The following DIAPH2 variants were observed in gnomAD, a reference collection of about 807,000 sequenced individuals.
The protein encoded by DIAPH2 is diaphanous related formin 2, also known as protein diaphanous homolog 2.
In DIAPH2, 35 loss-of-function variants were observed where a neutral mutation model predicts 92.7. The ratio of observed to expected loss-of-function variants is 0.38; its 90% CI spans 0.29 to 0.50. The LOEUF is 0.50. Among genes scored for constraint, DIAPH2 ranks in the 20% least tolerant of loss-of-function variants. DIAPH2 has a pLI of 0.94. For missense variants in DIAPH2, 701 were observed against 819.5 expected (o/e 0.86, Z 1.77); for synonymous variants, 301 against 280.4 (o/e 1.07, Z -0.73).
rs955418377 is a variant in DIAPH2 at position 97,390,757 on chromosome X, G to A, written c.3145+6713G>A. ...CCTGATTAATTTTTAAATTTTTATAGGGATGGTTTCATAGTCTGTATGTAT... is the reference window on the plus strand; with the variant it reads ...CCTGATTAATTTTTAAATTTTTATAAGGATGGTTTCATAGTCTGTATGTAT... On this transcript the variant is annotated intron_variant, in intron 25 of 26. Transcript: ENST00000324765. 2.7e-5 allele frequency among the ~76,000 whole-genome samples: 3 copies of A among 111,445 alleles called. No individual in the cohort carries two copies. The Admixed American group carries it at 2.9e-4, about 11-fold the overall frequency.
chrX:96,712,767 A>C (rs1408266295), intron 1 of DIAPH2, among the ~76,000 whole-genome samples: 2 of 111,482 alleles, frequency 1.8e-5, no homozygotes, highest in Non-Finnish European at 3.8e-5. Context: ...TGTTTGTTGC[A>C]AATTTTATGC....
intron 24 of DIAPH2, among the ~76,000 whole-genome samples, chrX:97,358,931 T>G (rs2147702942): frequency 8.9e-6 from 1 of 112,122 alleles, no homozygotes; most frequent in Non-Finnish European, 1.9e-5. Flanking sequence ...GTTTTAAATT[T>G]ATATTTTCTT....
intron 17 of DIAPH2, among the ~76,000 whole-genome samples, chrX:96,999,656 T>A: frequency 9.0e-6 from 1 of 111,150 alleles, no homozygotes; most frequent in Non-Finnish European, 1.9e-5. Context: ...GAAGTAAATG[T>A]ACAAAATGTT....
At chrX:97,171,432 G>C (rs1463574625) in intron 22 of DIAPH2, among the ~76,000 whole-genome samples, 1 of 111,591 alleles carries the variant, frequency 9.0e-6, no homozygotes, top group Non-Finnish European at 1.9e-5. Flanking sequence ...TCTGATAATG[G>C]TCGGTCTGCA....
At chrX:97,351,620 G>A (rs113128450) in intron 24 of DIAPH2, among the ~76,000 whole-genome samples, 1,707 of 110,478 alleles carry the variant, frequency 0.015, 26 homozygotes, top group African/African-American at 0.053. Flanking sequence ...TCGAGACCAC[G>A]GTGAAACCCC....
chrX:96,750,136 C>T (rs2064178596), intron 3 of DIAPH2, among the ~76,000 whole-genome samples: 1 of 100,974 alleles, frequency 9.9e-6, no homozygotes, highest in African/African-American at 3.7e-5. Flanking sequence ...CTGCTCACTG[C>T]ACCCTTTGCC....
chrX:97,263,900 T>TTTTATTTATTTATTTATTTA lies in DIAPH2; in HGVS notation c.2844+16081_2844+16100dup, dbSNP rs10644882. Among the ~76,000 whole-genome samples the TTTTATTTATTTATTTATTTA allele has an allele frequency of 3.1e-3, 294 of 94,000 alleles. 1 individual carries two copies. Among genetic ancestry groups the TTTTATTTATTTATTTATTTA allele is most frequent in the Non-Finnish European group, 5.4e-3 (255 of 47,266 alleles). The allele number at this position is 94,000 out of a possible 115,157, so 81.6% of individuals were successfully genotyped here. ...CTGCGCCCAGCTCCAACTGTTAGTT[T>TTTTATTTATTTATTTATTTA]TTTATTTATTTATTTATTTATTTAT... On this transcript the variant is annotated intron_variant, in intron 23 of 26. Transcript: ENST00000324765.
intron 23 of DIAPH2, among the ~76,000 whole-genome samples, chrX:97,316,278 G>A (rs2068838669): frequency 9.0e-6 from 1 of 110,843 alleles, no homozygotes; most frequent in African/African-American, 3.3e-5. Context: ...TTCCTGTTCT[G>A]TTTTTCTCCT....
At position 96,930,814 on chromosome X, in the gene DIAPH2, C is replaced by T. The variant is rs1365193840; in HGVS notation, c.1060C>T (p.Leu354Phe). The T allele has an allele frequency of 1.7e-6, 2 of 1,196,787 alleles. No homozygotes were observed. The highest frequency in any genetic ancestry group is 3.0e-5 in the East Asian group (1 of 32,943). ...TCGAATACATTTAAGGAATGAATTC[C>T]TCCGTTCAGGACTAAAAACAATGTT... ...DFRIHLRNEF[L>F]RSGLKTMLPD... is the part of the protein sequence containing the mutation. Residue 354 changes from leucine to phenylalanine, a missense_variant, in exon 10 of 27, where the codon CTC becomes TTC. Physicochemically the swap from Leu to Phe is conservative, Grantham distance 22. This residue lies in a region of DIAPH2 where 536 missense variants were observed against 599.3 expected (regional missense o/e 0.89). Coordinates refer to ENST00000324765, the MANE Select transcript of DIAPH2 (RefSeq NM_006729.5).
intron 24 of DIAPH2, 88 bp downstream of exon 24, chrX:97,348,368 C>A: frequency 1.2e-6 from 1 of 817,397 alleles, no homozygotes; most frequent in Non-Finnish European, 1.7e-6. Context: ...TTCCTATTGA[C>A]TATATTGATT....
intron 23 of DIAPH2, 137 bp from the exon 24 acceptor site, chrX:97,347,978 GC>G: frequency 3.5e-6 from 2 of 572,435 alleles, no homozygotes; most frequent in Non-Finnish European, 5.4e-6. Flanking sequence ...TACCATGGCA[GC>G]CCTAACAAAC....
intron 1 of DIAPH2, among the ~76,000 whole-genome samples, chrX:96,732,122 A>G (rs971150731): frequency 1.8e-4 from 20 of 111,422 alleles, no homozygotes; most frequent in African/African-American, 6.2e-4. Flanking sequence ...ACCCATCCAC[A>G]TAAATGAATT....
intron 22 of DIAPH2, among the ~76,000 whole-genome samples, chrX:97,189,416 C>A (rs1436290599): frequency 4.6e-5 from 5 of 108,448 alleles, no homozygotes; most frequent in Admixed American, 3.0e-4. Context: ...TGAAGCTTTT[C>A]TCAGAATCAG....
chrX:97,309,337 G>T (rs2068774872), intron 23 of DIAPH2, among the ~76,000 whole-genome samples: 1 of 110,310 alleles, frequency 9.1e-6, no homozygotes, highest in Admixed American at 9.7e-5. Context: ...CTGGCCTCAG[G>T]TGATCCGCCC....
At chrX:96,686,128 T>G (rs1439678053) in intron 1 of DIAPH2, among the ~76,000 whole-genome samples, 1 of 111,146 alleles carries the variant, frequency 9.0e-6, no homozygotes, top group East Asian at 2.8e-4. Context: ...TAGAGCTGTA[T>G]TCTTAGTCCA....
intron 23 of DIAPH2, among the ~76,000 whole-genome samples, chrX:97,255,083 G>A (rs2068225852): frequency 9.0e-6 from 1 of 111,344 alleles, no homozygotes; most frequent in Admixed American, 9.7e-5. Context: ...TAATATGTGT[G>A]GTTCATGAGG....
At chrX:97,131,435 C>T (rs1602362661) in intron 21 of DIAPH2, among the ~76,000 whole-genome samples, 1 of 111,076 alleles carries the variant, frequency 9.0e-6, no homozygotes, top group Non-Finnish European at 1.9e-5. Context: ...CCATTTAATG[C>T]CATTTATTAA....
intron 3 of DIAPH2, among the ~76,000 whole-genome samples, chrX:96,743,823 A>ACT (rs2064133767): frequency 9.0e-6 from 1 of 111,504 alleles, no homozygotes; most frequent in Non-Finnish European, 1.9e-5. Flanking sequence ...AAATGCTAAG[A>ACT]GTAGATGTAA....
chrX:96,879,920 A>T (rs187907812), intron 4 of DIAPH2, among the ~76,000 whole-genome samples: 4 of 110,642 alleles, frequency 3.6e-5, no homozygotes, highest in African/African-American at 1.3e-4. Flanking sequence ...GTAGAGATGG[A>T]GTTTCACCAC....
Sources: gnomAD v4.1 joint callset for allele counts (sites outside exome capture counted in the v4.1 genomes callset) on GRCh38, gnomAD v4.1.1 for gene constraint, gnomAD v4.1.1 regional missense constraint, MANE v1.5 for transcripts, NCBI Gene and HGNC (gene_info 2026-07-23, HGNC 2026-07-21) for gene names.